LDB2: variants seen among roughly 807,000 people sequenced by gnomAD.
LDB2 encodes LIM domain binding 2.
In LDB2, 12 loss-of-function variants were observed where a neutral mutation model predicts 44.3. That is an observed-to-expected ratio of 0.27 (90% CI 0.17 to 0.44). The LOEUF (loss-of-function observed/expected upper bound fraction) is 0.44. Among genes scored for constraint, LDB2 ranks in the 20% least tolerant of loss-of-function variants. The probability of loss-of-function intolerance (pLI) is 1.00; values close to 1 mark genes in which losing one functional copy is unlikely to be tolerated. For synonymous variants in LDB2, 164 were observed against 174.8 expected, an observed-to-expected ratio of 0.94 and a Z score of 0.49; for missense variants, 344 against 473.5, an observed-to-expected ratio of 0.73 and a Z score of 2.54.
chr4:16,835,017 G>A (rs968770074), intron 1 of LDB2, among the ~76,000 whole-genome samples: 1 of 152,164 alleles, frequency 6.6e-6, no homozygotes, highest in Non-Finnish European at 1.5e-5. Context: ...CCAAATCACA[G>A]AGCTGTACAT....
At chr4:16,600,307 T>C (rs1297015316) in intron 2 of LDB2, among the ~76,000 whole-genome samples, 2 of 152,176 alleles carry the variant, frequency 1.3e-5, no homozygotes, top group South Asian at 2.1e-4. Flanking sequence ...TAAATCTACA[T>C]TGTGCTCCTA....
intron 2 of LDB2, among the ~76,000 whole-genome samples, chr4:16,651,726 C>G (rs187643825): frequency 1.3e-5 from 2 of 152,254 alleles, no homozygotes; most frequent in African/African-American, 4.8e-5. Context: ...CTTCCCATGA[C>G]TAGGTCTAAC....
At chr4:16,857,332 C>T (rs529462610) in intron 1 of LDB2, among the ~76,000 whole-genome samples, 1 of 152,342 alleles carries the variant, frequency 6.6e-6, no homozygotes, top group South Asian at 2.1e-4. Context: ...TTCTACTACT[C>T]ACATCCAAGC....
chr4:16,848,763 T>C (rs113804069), intron 1 of LDB2, among the ~76,000 whole-genome samples: 2 of 152,344 alleles, frequency 1.3e-5, no homozygotes, highest in African/African-American at 4.8e-5. Context: ...TTGTCAGCCA[T>C]ATCTGATATA....
intron 2 of LDB2, among the ~76,000 whole-genome samples, chr4:16,681,625 T>C (rs1747906498): frequency 7.4e-6 from 1 of 134,944 alleles, no homozygotes; most frequent in African/African-American, 2.8e-5. Context: ...ATTCTTTTTT[T>C]TTTTTTTTTT....
intron 5 of LDB2, among the ~76,000 whole-genome samples, chr4:16,566,097 A>G (rs950675414): frequency 6.6e-6 from 1 of 152,140 alleles, no homozygotes; most frequent in East Asian, 1.9e-4. Flanking sequence ...CATCATCATA[A>G]TAGCAATTTT....
chr4:16,827,717 G>A (rs530581625), intron 1 of LDB2, among the ~76,000 whole-genome samples: 1 of 152,124 alleles, frequency 6.6e-6, no homozygotes, highest in East Asian at 1.9e-4. Flanking sequence ...ACATGATCTT[G>A]CTTTTCTTAT....
At chr4:16,727,396 G>A (rs902877832) in intron 2 of LDB2, among the ~76,000 whole-genome samples, 2 of 152,192 alleles carry the variant, frequency 1.3e-5, no homozygotes, top group Admixed American at 1.3e-4. Context: ...GCAGGTCTAG[G>A]TGCACTCTGC....
intron 2 of LDB2, among the ~76,000 whole-genome samples, chr4:16,630,506 C>T (rs189918166): frequency 2.5e-4 from 38 of 152,124 alleles, no homozygotes; most frequent in Admixed American, 1.4e-3. Flanking sequence ...AGACCATCAA[C>T]GCCGTATAAA....
At chr4:16,610,272 T>C (rs990528474) in intron 2 of LDB2, among the ~76,000 whole-genome samples, 3 of 151,276 alleles carry the variant, frequency 2.0e-5, no homozygotes, top group Non-Finnish European at 4.4e-5. Context: ...AGTGAAAAAA[T>C]GCTGAAAACC....
Position 16,634,691 on chromosome 4 carries a change from C to T in LDB2, c.236-38816G>A, listed in dbSNP as rs186364955. Among the ~76,000 whole-genome samples the T allele has an allele frequency of 3.1e-3, 479 of 152,086 alleles. 1 individual carries two copies. Among genetic ancestry groups the T allele is most frequent in the African/African-American group, 0.01 (422 of 41,492 alleles). ...AAAAATAACACTTTTACACTGTTGG[C>T]GGGAGTGTAAATTAGTTCAACCATC... On this transcript the variant is annotated intron_variant, in intron 2 of 7. Coordinates refer to ENST00000304523, the MANE Select transcript of LDB2 (RefSeq NM_001290.5).
intron 1 of LDB2, among the ~76,000 whole-genome samples, chr4:16,882,213 G>A (rs961151863): frequency 6.6e-6 from 1 of 152,052 alleles, no homozygotes; most frequent in African/African-American, 2.4e-5. Context: ...TTTATATATG[G>A]TCCTCCCTCA....
chr4:16,591,071 G>A (rs920128158), intron 3 of LDB2, among the ~76,000 whole-genome samples: 47 of 152,298 alleles, frequency 3.1e-4, no homozygotes, highest in African/African-American at 1.1e-3. Flanking sequence ...ACACGACAGG[G>A]ATTTTGGATG....
intron 2 of LDB2, among the ~76,000 whole-genome samples, chr4:16,729,684 G>A (rs1052302640): frequency 1.3e-5 from 2 of 152,088 alleles, no homozygotes; most frequent in African/African-American, 2.4e-5. Flanking sequence ...TGGCTGAAAA[G>A]CTGATAAAGA....
intron 5 of LDB2, among the ~76,000 whole-genome samples, chr4:16,571,501 G>T (rs1053275695): frequency 6.6e-6 from 1 of 151,950 alleles, no homozygotes; most frequent in African/African-American, 2.4e-5. Flanking sequence ...TTCAATCCAG[G>T]TCTTTGATCC....
At chr4:16,715,287 A>G (rs1408276487) in intron 2 of LDB2, among the ~76,000 whole-genome samples, 1 of 152,224 alleles carries the variant, frequency 6.6e-6, no homozygotes, top group Non-Finnish European at 1.5e-5. Flanking sequence ...ACAAAGTGCC[A>G]ACCTTATGCA....
chr4:16,672,828 C>CTGCT (rs546908215), intron 2 of LDB2, among the ~76,000 whole-genome samples: 2 of 147,008 alleles, frequency 1.4e-5, no homozygotes, highest in East Asian at 2.0e-4. Flanking sequence ...GCCTGCCTGC[C>CTGCT]TTCTTTCCTT....
intron 2 of LDB2, among the ~76,000 whole-genome samples, chr4:16,722,772 T>A (rs983671919): frequency 6.6e-6 from 1 of 152,122 alleles, no homozygotes; most frequent in Non-Finnish European, 1.5e-5. Context: ...AATACTGTAT[T>A]TGTTTATAAG....
chr4:16,712,267 A>G (rs1325375135), intron 2 of LDB2, among the ~76,000 whole-genome samples: 9 of 152,330 alleles, frequency 5.9e-5, no homozygotes, highest in East Asian at 3.9e-4. Flanking sequence ...CATTTCTCCA[A>G]TGAAGAAAGC....
Sources: gnomAD v4.1 joint callset for allele counts (sites outside exome capture counted in the v4.1 genomes callset) on GRCh38, gnomAD v4.1.1 for gene constraint, MANE v1.5 for transcripts, NCBI Gene and HGNC (gene_info 2026-07-23, HGNC 2026-07-21) for gene names.